Variants in SPTB observed in about 807,000 individuals in gnomAD.
SPTB encodes spectrin beta, erythrocytic.
A neutral mutation model predicts 256.2 loss-of-function variants in SPTB; 45 were observed. The observed-to-expected ratio is 0.18, with a 90% CI of 0.14 to 0.23. SPTB has a LOEUF of 0.23. SPTB is among the 10% of genes least tolerant of loss of function. The probability of loss-of-function intolerance (pLI) is 1.00; values close to 1 mark genes in which losing one functional copy is unlikely to be tolerated. For synonymous variants in SPTB, 1,231 were observed against 1,243.1 expected, an observed-to-expected ratio of 0.99 and a Z score of 0.21; for missense variants, 2,715 against 3,040.4, an observed-to-expected ratio of 0.89 and a Z score of 2.52.
In SPTB at chr14:64,847,090, T is replaced by G. The variant is rs1238430411; in HGVS notation, c.-51-23945A>C. ...CCCCTTGTCTATGTGTAGCTCCACC[T>G]CGGGGTGTGATTTCCTCAGTTGTTC... On this transcript the variant is annotated intron_variant, in intron 1 of 35. Coordinates refer to ENST00000644917, the MANE Select transcript of SPTB (RefSeq NM_001355436.2). This position sits in a 1 kb window ranked among gnomAD's most constrained non-coding sequence, Gnocchi z 5.9. Among the ~76,000 whole-genome samples the G allele has an allele frequency of 1.3e-5, 2 of 152,178 alleles. No homozygotes were observed. The highest frequency in any genetic ancestry group is 2.1e-4 in the South Asian group (1 of 4,822).
chr14:64,822,544 A>G (rs1252897989), intron 2 of SPTB, among the ~76,000 whole-genome samples: 1 of 151,958 alleles, frequency 6.6e-6, no homozygotes, highest in Non-Finnish European at 1.5e-5. Context: ...TTTTGGGACT[A>G]CAGAGAGGAC....
rs2083714338 is a variant in SPTB at position 64,847,677 on chromosome 14, A to G, written c.-51-24532T>C. Reference sequence around the variant, plus strand: ...ATGAGACACCAGCCAGCTGGTGGGAAGTGCTGACCTGTTATATTCCCTTCC... The same window carrying G: ...ATGAGACACCAGCCAGCTGGTGGGAGGTGCTGACCTGTTATATTCCCTTCC... On this transcript the variant is annotated intron_variant, in intron 1 of 35. Coordinates refer to ENST00000644917, the MANE Select transcript of SPTB (RefSeq NM_001355436.2). The surrounding 1 kb of genome is among the most constrained non-coding windows in gnomAD (Gnocchi z 5.9). Among the ~76,000 whole-genome samples, 1 of 152,208 alleles carries G rather than the reference A, an allele frequency of 6.6e-6. No homozygotes were observed.
rs991095033 is a variant in SPTB at position 64,823,516 on chromosome 14, G to A, written c.-51-371C>T. Among the ~76,000 whole-genome samples the A allele has an allele frequency of 1.3e-5, 2 of 152,182 alleles. No individual in the cohort carries two copies. The highest frequency in any genetic ancestry group is 4.8e-5 in the African/African-American group (2 of 41,436). ...GCCAGAGGCAGCAGGGCACAAGCTGGGGAAAGCAACCCTCACCCTGAGGAC... is the reference window on the plus strand; with the variant it reads ...GCCAGAGGCAGCAGGGCACAAGCTGAGGAAAGCAACCCTCACCCTGAGGAC... On this transcript the variant is annotated intron_variant, in intron 1 of 35. Transcript: ENST00000644917. This position sits in a 1 kb window ranked among gnomAD's most constrained non-coding sequence, Gnocchi z 6.5.
intron 1 of SPTB, among the ~76,000 whole-genome samples, chr14:64,839,506 A>G (rs1010316769): frequency 1.7e-4 from 26 of 152,324 alleles, no homozygotes; most frequent in African/African-American, 5.8e-4. Flanking sequence ...ACAAGTATAT[A>G]TATTTGTCAA....
Position 64,782,836 on chromosome 14 carries a change from C to G in SPTB, c.4003-283G>C, listed in dbSNP as rs933150907. On this transcript the variant is annotated intron_variant, in intron 19 of 35. Transcript: ENST00000644917. ...ATGAGTTAAAAAAAAAAAAAAAAAG[C>G]CTGTGCATAATTTTCATGATATGCA... is the stretch of plus-strand genomic sequence containing the variant. 9.1e-5 allele frequency among the ~76,000 whole-genome samples: 12 copies of G among 131,502 alleles called. 1 individual carries two copies. The highest frequency in any genetic ancestry group is 8.5e-3 in the Middle Eastern group (2 of 236). The allele number at this position is 131,502 out of a possible 152,430, so 86.3% of individuals were successfully genotyped here.
At chr14:64,869,139 T>C (rs956159775) in intron 1 of SPTB, among the ~76,000 whole-genome samples, 6 of 152,178 alleles carry the variant, frequency 3.9e-5, no homozygotes, top group Non-Finnish European at 5.9e-5. Context: ...ACACATGGGT[T>C]CAAGTCCAGC....
rs2083707932 is a variant in SPTB at position 64,847,262 on chromosome 14, A to G, written c.-51-24117T>C. On this transcript the variant is annotated intron_variant, in intron 1 of 35. Coordinates refer to ENST00000644917, the MANE Select transcript of SPTB (RefSeq NM_001355436.2). The surrounding 1 kb of genome is among the most constrained non-coding windows in gnomAD (Gnocchi z 5.9). ...CAACTTGGCTGTGGTCTTCTTTCCT[A>G]AAACACATCAAAGGCCAAAATCCTG... Among the ~76,000 whole-genome samples the G allele has an allele frequency of 6.6e-6, 1 of 152,228 alleles. No homozygotes were observed. The highest frequency in any genetic ancestry group is 2.4e-5 in the African/African-American group (1 of 41,454).
intron 2 of SPTB, among the ~76,000 whole-genome samples, chr14:64,813,743 C>T (rs8016674): frequency 0.053 from 8,104 of 152,234 alleles, 779 homozygotes; most frequent in African/African-American, 0.18. Context: ...CCAGGCTGGC[C>T]TCAAACTCTT....
intron 1 of SPTB, among the ~76,000 whole-genome samples, chr14:64,830,332 GTCTTAT>G (rs1213769127): frequency 2.7e-5 from 3 of 110,632 alleles, no homozygotes; most frequent in Admixed American, 1.1e-4. Flanking sequence ...AAACTCTGGA[GTCTTAT>G]TATTATTATT....
Position 64,785,581 on chromosome 14 carries a change from T to C in SPTB, c.3811A>G (p.Arg1271Gly). The C allele has an allele frequency of 6.2e-7, 1 of 1,614,078 alleles. No individual in the cohort carries two copies. Among genetic ancestry groups the C allele is most frequent in the Non-Finnish European group, 8.5e-7 (1 of 1,180,002 alleles). ...AAGTTCTGTAGCTCCAGGTTGTCTC[T>C]CAGTAGGACAGAGGCCTCCTGGGCC... ...EKAQEASVLL[R>G]DNLELQNFLQ... is the part of the protein sequence containing the mutation. The change falls in exon 18 of 36, where the codon AGA becomes GGA. Residue 1271 changes from arginine to glycine, a missense_variant. Coordinates refer to ENST00000644917, the MANE Select transcript of SPTB (RefSeq NM_001355436.2). This position sits in a 1 kb window ranked among gnomAD's most constrained non-coding sequence, Gnocchi z 4.4.
intron 7 of SPTB, 95 bp downstream of exon 7, chr14:64,801,190 C>G: frequency 9.2e-7 from 1 of 1,087,210 alleles, no homozygotes; most frequent in Non-Finnish European, 1.4e-6. Flanking sequence ...GCACCTGGGC[C>G]GGCCTCCAGA....
intron 33 of SPTB, chr14:64,750,396 C>CTAAAACTGGGT (rs1369860637): frequency 2.0e-6 from 1 of 496,116 alleles, no homozygotes; most frequent in Non-Finnish European, 3.5e-6. Flanking sequence ...TCACAGATAG[C>CTAAAACTGGGT]TAAAACTGGG....
rs2139649024 is a variant in SPTB, at chr14:64,806,984, C to T, written c.149-1894G>A. 6.6e-6 allele frequency among the ~76,000 whole-genome samples: 1 copy of T among 152,342 alleles called. No homozygotes were observed. Among genetic ancestry groups the T allele is most frequent in the Non-Finnish European group, 1.5e-5 (1 of 68,028 alleles). Reference sequence around the variant, plus strand: ...CCCTTTTGTCAACAGCAAATTAAACCACTTTCCTGATTTCAAATGCTGCTT... The same window carrying T: ...CCCTTTTGTCAACAGCAAATTAAACTACTTTCCTGATTTCAAATGCTGCTT... On this transcript the variant is annotated intron_variant, in intron 2 of 35. Coordinates refer to ENST00000644917, the MANE Select transcript of SPTB (RefSeq NM_001355436.2). This position sits in a 1 kb window ranked among gnomAD's most constrained non-coding sequence, Gnocchi z 4.1.
rs776062167 is a variant in SPTB, at chr14:64,801,289, G to C, written c.759C>G (p.Pro253=). ...GCAGGGGTGGGTGTGGCTCACCTTCGGGGTCGAGGAGCGGGATGATGCCCA... is the reference window on the plus strand; with the variant it reads ...GCAGGGGTGGGTGTGGCTCACCTTCCGGGTCGAGGAGCGGGATGATGCCCA... ...RQLGIIPLLD[P]EDVFTENPDE... is the part of the protein sequence containing the mutation. Residue 253 remains proline, a synonymous_variant, in exon 7 of 36, where the codon CCC becomes CCG. Coordinates refer to ENST00000644917, the MANE Select transcript of SPTB (RefSeq NM_001355436.2). The C allele has an allele frequency of 6.2e-7, 1 of 1,613,344 alleles. No homozygotes were observed. Among genetic ancestry groups the C allele is most frequent in the Admixed American group, 1.7e-5 (1 of 60,024 alleles).
At chr14:64,817,682 T>G (rs2083216780) in intron 2 of SPTB, among the ~76,000 whole-genome samples, 1 of 152,216 alleles carries the variant, frequency 6.6e-6, no homozygotes, top group African/African-American at 2.4e-5. Flanking sequence ...CTGGGGCACC[T>G]GAGATCAGCA....
Position 64,795,382 on chromosome 14 carries a change from G to A in SPTB, c.1599C>T (p.Leu533=), listed in dbSNP as rs1272832678. Residue 533 remains leucine (L), a synonymous_variant, in exon 12 of 36, where the codon CTC becomes CTT. Transcript: ENST00000644917. This position sits in a 1 kb window ranked among gnomAD's most constrained non-coding sequence, Gnocchi z 6.5. ...CGATGCTGTGCAGCATGTCCTGGAA[G>A]AGCTTCTGCAGTGCCAGGGTGGTCT... is the stretch of plus-strand genomic sequence containing the variant. ...RLETTLALQK[L]FQDMLHSIDW... 1 of 1,613,782 alleles carries A rather than the reference G, an allele frequency of 6.2e-7. No homozygotes were observed. The highest frequency in any genetic ancestry group is 8.5e-7 in the Non-Finnish European group (1 of 1,180,030).
rs534309902 is a variant in SPTB at position 64,760,473 on chromosome 14, C to A, written c.6345+6253G>T. Reference sequence around the variant, plus strand: ...GAGGTTCTGAAGATGCTCAGAGAACCCGGATGCATTTACAAGCAAAGAACA... The same window carrying A: ...GAGGTTCTGAAGATGCTCAGAGAACACGGATGCATTTACAAGCAAAGAACA... On this transcript the variant is annotated intron_variant, in intron 32 of 35. Coordinates refer to ENST00000644917, the MANE Select transcript of SPTB (RefSeq NM_001355436.2). The surrounding 1 kb of genome is among the most constrained non-coding windows in gnomAD (Gnocchi z 4.3). Among the ~76,000 whole-genome samples the A allele has an allele frequency of 6.6e-6, 1 of 152,184 alleles. No individual in the cohort carries two copies. The highest frequency in any genetic ancestry group is 2.1e-4 in the South Asian group (1 of 4,806).
rs542778848 is a variant in SPTB, at chr14:64,845,303, C to G, written c.-51-22158G>C. On this transcript the variant is annotated intron_variant, in intron 1 of 35. Coordinates refer to ENST00000644917, the MANE Select transcript of SPTB (RefSeq NM_001355436.2). This position sits in a 1 kb window ranked among gnomAD's most constrained non-coding sequence, Gnocchi z 4.8. Reference sequence around the variant, plus strand: ...TTAGCCCGCCAAAAGATTGGTAGTTCTGTGTGTGCCCATTGGTACAAACAT... The same window carrying G: ...TTAGCCCGCCAAAAGATTGGTAGTTGTGTGTGTGCCCATTGGTACAAACAT... Among the ~76,000 whole-genome samples the G allele has an allele frequency of 2.0e-5, 3 of 152,330 alleles. No individual in the cohort carries two copies. The highest frequency in any genetic ancestry group is 6.5e-5 in the Admixed American group (1 of 15,296).
Position 64,786,796 on chromosome 14 carries a change from G to T in SPTB, c.3169C>A (p.Leu1057Met). The T allele has an allele frequency of 4.3e-6, 7 of 1,613,998 alleles. No individual in the cohort carries two copies. The highest frequency in any genetic ancestry group is 1.7e-6 in the Non-Finnish European group (2 of 1,180,012). Reference protein sequence around the residue: ...QQSLQGQEDLLGEVSQLQAFL... With the variant: ...QQSLQGQEDLMGEVSQLQAFL... ...GCCTGCAGCTGGCTGACTTCCCCCA[G>T]CAAGTCCTCCTGGCCCTGCAGGGAT... The change falls in exon 16 of 36, where the codon CTG becomes ATG. Residue 1057 changes from leucine (L) to methionine (M), a missense_variant. By Grantham distance (15) the Leu-to-Met change is conservative. This residue lies in a region of SPTB where 2,239 missense variants were observed against 2,384.4 expected (regional missense o/e 0.94). Coordinates refer to ENST00000644917, the MANE Select transcript of SPTB (RefSeq NM_001355436.2). This position sits in a 1 kb window ranked among gnomAD's most constrained non-coding sequence, Gnocchi z 5.6.
Sources: allele counts gnomAD v4.1 joint callset (sites outside exome capture counted in the v4.1 genomes callset), GRCh38; gene constraint gnomAD v4.1.1; regional missense constraint gnomAD v4.1.1; non-coding constraint Gnocchi (gnomAD v3.1); transcripts MANE v1.5; gene names NCBI Gene and HGNC (gene_info 2026-07-23, HGNC 2026-07-21).